CDKAL1: variants seen among roughly 807,000 people sequenced by gnomAD.
CDKAL1 encodes the protein threonylcarbamoyladenosine tRNA methylthiotransferase.
In CDKAL1, 32 loss-of-function variants were observed where a neutral mutation model predicts 68.2. That is an observed-to-expected ratio of 0.47 (90% CI 0.35 to 0.63). The LOEUF (loss-of-function observed/expected upper bound fraction) is 0.63. Among genes scored for constraint, CDKAL1 ranks in the 30% least tolerant of loss-of-function variants. The probability of loss-of-function intolerance (pLI) is 0.00; values close to 1 mark genes in which losing one functional copy is unlikely to be tolerated. For synonymous variants in CDKAL1, 234 were observed against 244.3 expected, an observed-to-expected ratio of 0.96 and a Z score of 0.39; for missense variants, 606 against 696.7, an observed-to-expected ratio of 0.87 and a Z score of 1.47.
intron 13 of CDKAL1, among the ~76,000 whole-genome samples, chr6:21,132,783 A>G (rs1298655817): frequency 6.6e-6 from 1 of 152,084 alleles, no homozygotes; most frequent in African/African-American, 2.4e-5. Context: ...CCTTGCTTGC[A>G]CATCTGTCTA....
intron 10 of CDKAL1, among the ~76,000 whole-genome samples, chr6:20,966,378 A>G (rs1765314306): frequency 6.6e-6 from 1 of 152,218 alleles, no homozygotes; most frequent in Non-Finnish European, 1.5e-5. Flanking sequence ...CATAAGGATT[A>G]TTGTTATTAT....
chr6:20,590,172 C>T (rs1252871551), intron 4 of CDKAL1, among the ~76,000 whole-genome samples: 1 of 151,992 alleles, frequency 6.6e-6, no homozygotes, highest in East Asian at 1.9e-4. Context: ...CTTGCTCTTT[C>T]ATTTGATAGT....
Position 20,845,439 on chromosome 6 carries a change from T to C in CDKAL1, c.639-636T>C, listed in dbSNP as rs538957641. On this transcript the variant is annotated intron_variant, in intron 8 of 15. Coordinates refer to ENST00000274695, the MANE Select transcript of CDKAL1 (RefSeq NM_017774.3). ...TCTAAATACTATTGGGAAATATGCC[T>C]ATTTTTTAATTTTTTAAAGCTAGTA... Among the ~76,000 whole-genome samples, 207 of 152,240 alleles carry C rather than the reference T, an allele frequency of 1.4e-3. 1 individual carries two copies. The highest frequency in any genetic ancestry group is 4.8e-3 in the African/African-American group (200 of 41,598).
At chr6:20,860,853 C>A (rs1490057529) in intron 9 of CDKAL1, among the ~76,000 whole-genome samples, 1 of 149,006 alleles carries the variant, frequency 6.7e-6, no homozygotes, top group African/African-American at 2.5e-5. Context: ...TGAATGAATA[C>A]ATGAATAAAA....
At chr6:20,874,920 A>T (rs62398106) in intron 9 of CDKAL1, among the ~76,000 whole-genome samples, 25,975 of 152,192 alleles carry the variant, frequency 0.17, 2,581 homozygotes, top group East Asian at 0.34. Context: ...TCCTACTCTG[A>T]TACAAGAAGG....
chr6:21,123,542 T>C (rs1356458319), intron 13 of CDKAL1, among the ~76,000 whole-genome samples: 1 of 152,222 alleles, frequency 6.6e-6, no homozygotes, highest in Admixed American at 6.5e-5. Flanking sequence ...GCCTTAAGTT[T>C]AGTTGATAGG....
chr6:21,197,145 G>A (rs7748766), intron 13 of CDKAL1, among the ~76,000 whole-genome samples: 38,338 of 150,806 alleles, frequency 0.25, 5,659 homozygotes, highest in African/African-American at 0.41. Context: ...GTGACAGAGT[G>A]AGACTCTGTC....
rs1472119707 is a variant in CDKAL1 at position 20,557,053 on chromosome 6, ATAAATAAATAAAT to A, written c.286+8349_286+8361del. ...CGAGTCTCCATCTCAAAAAAAAAAA[ATAAATAAATAAAT>A]AAATAAATAAATAAATAAATGAAAA... On this transcript the variant is annotated intron_variant, in intron 4 of 15. Coordinates refer to ENST00000274695, the MANE Select transcript of CDKAL1 (RefSeq NM_017774.3). Among the ~76,000 whole-genome samples, 15 of 81,276 alleles carry A rather than the reference ATAAATAAATAAAT, an allele frequency of 1.8e-4. No individual in the cohort carries two copies. The East Asian group carries it at 2.9e-3, about 16-fold the overall frequency. The allele number at this position is 81,276 out of a possible 152,430, so 53.3% of individuals were successfully genotyped here.
intron 13 of CDKAL1, among the ~76,000 whole-genome samples, chr6:21,153,473 G>A (rs1337216692): frequency 6.6e-6 from 1 of 152,074 alleles, no homozygotes; most frequent in African/African-American, 2.4e-5. Context: ...TCATAATGTA[G>A]GCTGTATCAC....
At chr6:20,992,125 T>G (rs1310165218) in intron 10 of CDKAL1, among the ~76,000 whole-genome samples, 3 of 146,144 alleles carry the variant, frequency 2.1e-5, no homozygotes, top group Non-Finnish European at 4.5e-5. Context: ...ACTCTTGGAC[T>G]CAAGCAATTC....
At chr6:21,184,264 G>A (rs914693545) in intron 13 of CDKAL1, among the ~76,000 whole-genome samples, 1 of 149,896 alleles carries the variant, frequency 6.7e-6, no homozygotes, top group Non-Finnish European at 1.5e-5. Context: ...GCACGACCTC[G>A]GCTTACTGCA....
chr6:20,577,592 G>A (rs1041576536), intron 4 of CDKAL1, among the ~76,000 whole-genome samples: 1 of 152,194 alleles, frequency 6.6e-6, no homozygotes, highest in East Asian at 1.9e-4. Context: ...GTAAGTGCTT[G>A]TTGTGTGAAT....
intron 7 of CDKAL1, among the ~76,000 whole-genome samples, chr6:20,759,652 G>T (rs1307435979): frequency 1.3e-5 from 2 of 152,078 alleles, no homozygotes; most frequent in African/African-American, 4.8e-5. Flanking sequence ...CTTGTTCAAG[G>T]TGTATTTTTT....
chr6:20,638,090 A>G (rs906971808), intron 4 of CDKAL1, among the ~76,000 whole-genome samples: 1 of 151,992 alleles, frequency 6.6e-6, no homozygotes, highest in Non-Finnish European at 1.5e-5. Context: ...GAGAATATGC[A>G]CCTGCCATTT....
intron 4 of CDKAL1, among the ~76,000 whole-genome samples, chr6:20,552,845 T>C (rs1763888102): frequency 6.6e-6 from 1 of 152,174 alleles, no homozygotes; most frequent in Non-Finnish European, 1.5e-5. Flanking sequence ...ATTTAAGAAG[T>C]AAATCTCTAC....
chr6:20,647,958 C>G (rs1241267533), intron 4 of CDKAL1, among the ~76,000 whole-genome samples: 27 of 149,978 alleles, frequency 1.8e-4, no homozygotes, highest in African/African-American at 6.4e-4. Context: ...GCCTGTAATC[C>G]CAGCTACTCA....
At chr6:20,540,949 C>T (rs9348432) in intron 2 of CDKAL1, among the ~76,000 whole-genome samples, 51,528 of 151,974 alleles carry the variant, frequency 0.34, 9,370 homozygotes, top group East Asian at 0.53. Flanking sequence ...AGAAGAGTTC[C>T]TGTAACAGAG....
At chr6:20,770,681 T>G (rs1774903974) in intron 7 of CDKAL1, among the ~76,000 whole-genome samples, 1 of 152,164 alleles carries the variant, frequency 6.6e-6, no homozygotes, top group East Asian at 1.9e-4. Flanking sequence ...AGCATTTTCA[T>G]TTTTGAAGGC....
At chr6:20,915,446 T>G (rs992414728) in intron 9 of CDKAL1, among the ~76,000 whole-genome samples, 1 of 152,232 alleles carries the variant, frequency 6.6e-6, no homozygotes, top group Non-Finnish European at 1.5e-5. Flanking sequence ...GCAGAATTCC[T>G]TCCTCTTCTC....
Sources: allele counts gnomAD v4.1 joint callset (sites outside exome capture counted in the v4.1 genomes callset), GRCh38; gene constraint gnomAD v4.1.1; transcripts MANE v1.5; gene names NCBI Gene and HGNC (gene_info 2026-07-23, HGNC 2026-07-21).